SOBP: variants seen among roughly 807,000 people sequenced by gnomAD.
SOBP encodes the protein sine oculis binding protein homolog.
A neutral mutation model predicts 53.6 loss-of-function variants in SOBP; 4 were observed. The ratio of observed to expected loss-of-function variants is 0.07; its 90% confidence interval spans 0.04 to 0.17. The LOEUF (loss-of-function observed/expected upper bound fraction) is 0.17, where lower values mean the gene tolerates loss of function less well. Among genes scored for constraint, SOBP ranks in the 10% least tolerant of loss-of-function variants. The pLI is 1.00. For synonymous variants in SOBP, 584 were observed against 522.6 expected (o/e 1.12, Z -1.60); for missense variants, 1,088 against 1,204.7 (o/e 0.90, Z 1.43).
chr6:107,645,986 G>A (rs1771540109), intron 6 of SOBP, among the ~76,000 whole-genome samples: 1 of 152,242 alleles, frequency 6.6e-6, no homozygotes, highest in African/African-American at 2.4e-5. Context: ...TAGAACAGGA[G>A]TTTGGGGAAT....
chr6:107,522,537 C>CTTTT (rs71551313), intron 3 of SOBP, among the ~76,000 whole-genome samples: 3,259 of 73,766 alleles, frequency 0.044, 130 homozygotes, highest in Middle Eastern at 0.089. Context: ...AGTATAAAAA[C>CTTTT]TTTTTTTTTT....
At chr6:107,523,716 T>C (rs1783579655) in intron 3 of SOBP, among the ~76,000 whole-genome samples, 1 of 152,196 alleles carries the variant, frequency 6.6e-6, no homozygotes, top group Non-Finnish European at 1.5e-5. Context: ...CTGCTTGTGC[T>C]CCCCTCCAGT....
intron 2 of SOBP, 74 bp downstream of exon 2, chr6:107,503,869 T>C: frequency 6.4e-7 from 1 of 1,558,816 alleles, no homozygotes; most frequent in East Asian, 2.2e-5. Context: ...TTGAGTTGCT[T>C]TGGGACTCAA....
rs577139051 is a variant in SOBP at position 107,633,468 on chromosome 6, AAATTGC to A, written c.670-45_670-40del. The stretch of plus-strand genomic sequence containing the variant: ...AACACGAAACGTCATCTACCCAGGT[AAATTGC>A]TTGTCTTACCTGTTGTGGTTTTTTA... On this transcript the variant is annotated intron_variant, in intron 5 of 6. Transcript: ENST00000317357. 161 of 1,613,354 alleles carry A rather than the reference AAATTGC, an allele frequency of 1.0e-4. 1 individual carries two copies. In the African/African-American group the frequency reaches 2.0e-3, roughly 20 times the overall value.
chr6:107,515,805 G>C (rs569211132), intron 3 of SOBP, among the ~76,000 whole-genome samples: 1 of 152,156 alleles, frequency 6.6e-6, no homozygotes, highest in South Asian at 2.1e-4. Context: ...CAAAAATACT[G>C]AGCAAAATTA....
chr6:107,599,256 TA>T (rs1369972278), intron 5 of SOBP, among the ~76,000 whole-genome samples: 5 of 152,194 alleles, frequency 3.3e-5, no homozygotes, highest in African/African-American at 1.2e-4. Flanking sequence ...AATGAGGTAA[TA>T]TATATAGTGT....
intron 3 of SOBP, chr6:107,514,982 A>T (rs1348034528): frequency 1.3e-5 from 2 of 152,262 alleles, no homozygotes; most frequent in Non-Finnish European, 2.9e-5. Flanking sequence ...ACAAATAGTG[A>T]ATGAAATAAT....
At chr6:107,557,350 A>G (rs1281353270) in intron 4 of SOBP, among the ~76,000 whole-genome samples, 1 of 152,244 alleles carries the variant, frequency 6.6e-6, no homozygotes, top group Non-Finnish European at 1.5e-5. Context: ...ATAAGGATAA[A>G]TATGAGTGCT....
intron 4 of SOBP, among the ~76,000 whole-genome samples, chr6:107,562,485 C>T (rs1784800376): frequency 6.6e-6 from 1 of 152,156 alleles, no homozygotes; most frequent in Admixed American, 6.5e-5. Flanking sequence ...TTATGTTGAC[C>T]AAGTAGTATA....
At chr6:107,576,522 C>T (rs535934072) in intron 4 of SOBP, among the ~76,000 whole-genome samples, 9 of 152,182 alleles carry the variant, frequency 5.9e-5, no homozygotes, top group Non-Finnish European at 1.0e-4. Flanking sequence ...ACCTGAGTGG[C>T]AGGACCAAGG....
chr6:107,520,275 A>G (rs948397107), intron 3 of SOBP, among the ~76,000 whole-genome samples: 1 of 152,250 alleles, frequency 6.6e-6, no homozygotes, highest in African/African-American at 2.4e-5. Context: ...GCTCCTTTAA[A>G]TGGATTGTGT....
intron 6 of SOBP, among the ~76,000 whole-genome samples, chr6:107,656,563 A>T (rs1772075398): frequency 1.3e-5 from 2 of 152,176 alleles, no homozygotes; most frequent in Non-Finnish European, 2.9e-5. Context: ...GATTGGGGGA[A>T]CTCAGGCATT....
intron 3 of SOBP, among the ~76,000 whole-genome samples, chr6:107,519,885 G>A (rs1783429833): frequency 6.6e-6 from 1 of 152,224 alleles, no homozygotes; most frequent in South Asian, 2.1e-4. Context: ...CTACATGCAA[G>A]TCTTTGACTC....
intron 5 of SOBP, among the ~76,000 whole-genome samples, chr6:107,607,471 G>GA (rs1786427632): frequency 6.6e-6 from 1 of 152,156 alleles, no homozygotes; most frequent in Admixed American, 6.5e-5. Context: ...CATTGTTGCA[G>GA]AAAAAAATTA....
intron 6 of SOBP, among the ~76,000 whole-genome samples, chr6:107,640,307 C>T (rs1324438541): frequency 6.6e-6 from 1 of 152,178 alleles, no homozygotes; most frequent in Non-Finnish European, 1.5e-5. Flanking sequence ...CTGAGAGTGA[C>T]AAAAGGAAAT....
chr6:107,622,180 C>T (rs1484165170), intron 5 of SOBP, among the ~76,000 whole-genome samples: 1 of 152,122 alleles, frequency 6.6e-6, no homozygotes, highest in Non-Finnish European at 1.5e-5. Flanking sequence ...TTGTTTTGAT[C>T]CTCCCAGCAG....
chr6:107,531,197 TAATG>T (rs1783814146), intron 3 of SOBP, among the ~76,000 whole-genome samples: 1 of 152,202 alleles, frequency 6.6e-6, no homozygotes, highest in African/African-American at 2.4e-5. Flanking sequence ...AAGGAAGAAA[TAATG>T]AGGGGGACCT....
rs368784901 is a variant in SOBP, at chr6:107,583,192, C to A, written c.574-3888C>A. Among the ~76,000 whole-genome samples the A allele has an allele frequency of 3.9e-5, 6 of 152,346 alleles. No homozygotes were observed. In the East Asian group the frequency reaches 7.7e-4, roughly 20 times the overall value. Reference sequence around the variant, plus strand: ...CATTGCCACCAGTTCTGTGAATGATCCAACTCATTCTTACAGATCACTTAC... The same window carrying A: ...CATTGCCACCAGTTCTGTGAATGATACAACTCATTCTTACAGATCACTTAC... On this transcript the variant is annotated intron_variant, in intron 4 of 6. Transcript: ENST00000317357.
chr6:107,617,377 GA>G (rs750320235), intron 5 of SOBP, among the ~76,000 whole-genome samples: 1 of 152,102 alleles, frequency 6.6e-6, no homozygotes, highest in African/African-American at 2.4e-5. Flanking sequence ...TGAGTGTGCT[GA>G]AAAAAGTGGA....
Sources: allele counts gnomAD v4.1 joint callset (sites outside exome capture counted in the v4.1 genomes callset), GRCh38; gene constraint gnomAD v4.1.1; transcripts MANE v1.5; gene names NCBI Gene and HGNC (gene_info 2026-07-23, HGNC 2026-07-21).